The following CSGALNACT1 variants were observed in gnomAD, a reference collection of about 807,000 sequenced individuals.
CSGALNACT1 encodes chondroitin sulfate N-acetylgalactosaminyltransferase 1, also known as beta4GalNAcT-1.
A neutral mutation model predicts 51.0 loss-of-function variants in CSGALNACT1; 52 were observed. That is an observed-to-expected ratio of 1.02 (90% CI 0.82 to 1.29). The LOEUF is 1.29. Among genes scored for constraint, CSGALNACT1 ranks in the 50% most tolerant of loss-of-function variants. The pLI is 0.00. For missense variants in CSGALNACT1, 935 were observed against 679.2 expected, an observed-to-expected ratio of 1.38 and a Z score of -4.19; for synonymous variants, 341 against 254.4, an observed-to-expected ratio of 1.34 and a Z score of -3.24.
intron 1 of CSGALNACT1, among the ~76,000 whole-genome samples, chr8:19,736,985 G>C (rs995297250): frequency 6.6e-6 from 1 of 151,844 alleles, no homozygotes; most frequent in Non-Finnish European, 1.5e-5. Context: ...AGAGAGTAGA[G>C]ATAGGAAAAA....
At chr8:19,683,200 T>C (rs2060757874), upstream of CSGALNACT1, 1 of 154,762 alleles carries the variant, frequency 6.5e-6, no homozygotes, top group Non-Finnish European at 1.4e-5. Context: ...TTCCACGATG[T>C]GTAAAATTCT....
intron 1 of CSGALNACT1, among the ~76,000 whole-genome samples, chr8:19,627,212 C>G (rs1355583791): frequency 6.6e-6 from 1 of 152,022 alleles, no homozygotes; most frequent in Non-Finnish European, 1.5e-5. Flanking sequence ...TACTAATTGG[C>G]AACAAAAAGC....
At position 19,444,401 on chromosome 8, in the gene CSGALNACT1, G is replaced by A. The variant is rs141708191; in HGVS notation, c.852-4470C>T. The stretch of plus-strand genomic sequence containing the variant: ...TTCCAGTCCTTGATTGCTTGAATCG[G>A]AGGGTGTGGTACCCTTGGATACAGT... On this transcript the variant is annotated intron_variant, in intron 5 of 9. Transcript: ENST00000454498. Among the ~76,000 whole-genome samples the A allele has an allele frequency of 2.6e-3, 397 of 152,308 alleles. 2 individuals carry two copies. Among genetic ancestry groups the A allele is most frequent in the African/African-American group, 9.3e-3 (387 of 41,570 alleles).
chr8:19,503,311 A>T (rs1206966741), intron 4 of CSGALNACT1, among the ~76,000 whole-genome samples: 1 of 152,198 alleles, frequency 6.6e-6, no homozygotes, highest in Non-Finnish European at 1.5e-5. Flanking sequence ...TGTGTCTCTA[A>T]AAGAAGGTCA....
At chr8:19,564,866 A>G (rs1283292606) in intron 3 of CSGALNACT1, among the ~76,000 whole-genome samples, 1 of 152,212 alleles carries the variant, frequency 6.6e-6, no homozygotes, top group African/African-American at 2.4e-5. Context: ...TGTTCAGCAC[A>G]GTTTCTCAAG....
At chr8:19,630,495 T>G (rs1381129635) in intron 1 of CSGALNACT1, among the ~76,000 whole-genome samples, 2 of 152,142 alleles carry the variant, frequency 1.3e-5, no homozygotes, top group Non-Finnish European at 2.9e-5. Context: ...CACACTATTA[T>G]TAACTTTACA....
exon 2 of CSGALNACT1, chr8:19,601,839 G>A (rs2154144972): frequency 2.2e-6 from 1 of 454,024 alleles, no homozygotes; most frequent in East Asian, 7.0e-5. Context: ...AATTACCTTG[G>A]CGTCTTTCCT....
intron 3 of CSGALNACT1, among the ~76,000 whole-genome samples, chr8:19,540,778 GC>G (rs1350115938): frequency 6.6e-6 from 1 of 152,144 alleles, no homozygotes; most frequent in Non-Finnish European, 1.5e-5. Context: ...TGCCCAGGAA[GC>G]CTTTCCTCTC....
chr8:19,706,389 G>A (rs923765), intron 1 of CSGALNACT1, among the ~76,000 whole-genome samples: 35,091 of 152,066 alleles, frequency 0.23, 4,261 homozygotes, highest in Admixed American at 0.32. Flanking sequence ...GGAAAACTGC[G>A]GCGGAGGCTG....
At chr8:19,523,325 C>T (rs904159508) in intron 3 of CSGALNACT1, among the ~76,000 whole-genome samples, 10 of 152,268 alleles carry the variant, frequency 6.6e-5, no homozygotes, top group East Asian at 3.9e-4. Context: ...AGTGCAAGGG[C>T]GCGATCATGG....
intron 3 of CSGALNACT1, among the ~76,000 whole-genome samples, chr8:19,547,666 T>C (rs958294449): frequency 6.6e-6 from 1 of 152,216 alleles, no homozygotes; most frequent in African/African-American, 2.4e-5. Flanking sequence ...CTCGGGTATA[T>C]CTTTATTAGT....
In CSGALNACT1 at chr8:19,666,883, A is replaced by AAGAAAGAG. The variant is rs1263613762; in HGVS notation, c.-544+15589_-544+15590insCTCTTTCT. Among the ~76,000 whole-genome samples, 42 of 97,366 alleles carry AAGAAAGAG rather than the reference A, an allele frequency of 4.3e-4. 4 individuals are homozygous for AAGAAAGAG. The highest frequency in any genetic ancestry group is 1.3e-3 in the East Asian group (6 of 4,512). 63.9% of individuals were successfully genotyped at this position (97,366 alleles called of 152,430 possible). ...AAAGAAAGAAAGAAAGAAAGAAAGA[A>AAGAAAGAG]AGAGAGAGAGGAAGTGAGGAAGGGA... On this transcript the variant is annotated intron_variant, in intron 1 of 9. Transcript: ENST00000332246.
chr8:19,597,650 C>T (rs13252416), intron 2 of CSGALNACT1, among the ~76,000 whole-genome samples: 22,834 of 151,932 alleles, frequency 0.15, 2,215 homozygotes, highest in African/African-American at 0.28. Flanking sequence ...GGCAAAGTGC[C>T]GGAGTCCGAT....
Position 19,757,569 on chromosome 8 carries a change from G to C in CSGALNACT1, c.-297+281C>G, listed in dbSNP as rs1012411914. 6.6e-6 allele frequency among the ~76,000 whole-genome samples: 1 copy of C among 152,164 alleles called. No individual in the cohort carries two copies. The highest frequency in any genetic ancestry group is 2.4e-5 in the African/African-American group (1 of 41,450). On this transcript the variant is annotated intron_variant, in intron 1 of 1. Coordinates refer to the CSGALNACT1 transcript ENST00000517494. The surrounding 1 kb of genome is among the most constrained non-coding windows in gnomAD (Gnocchi z 4.0). ...CGGACACCAGGGGCGGTTTACGCGT[G>C]ACTGGACACCAAGAGCCGGAGAAGT...
At chr8:19,434,486 C>A (rs1409295263) in intron 6 of CSGALNACT1, among the ~76,000 whole-genome samples, 1 of 152,052 alleles carries the variant, frequency 6.6e-6, no homozygotes, top group African/African-American at 2.4e-5. Flanking sequence ...CATGCATCTC[C>A]CAAGAAGCAA....
chr8:19,655,456 G>C (rs2058176173), intron 1 of CSGALNACT1, among the ~76,000 whole-genome samples: 1 of 151,966 alleles, frequency 6.6e-6, no homozygotes, highest in South Asian at 2.1e-4. Context: ...GACCTCCTTG[G>C]CTCAATCAAT....
intron 4 of CSGALNACT1, among the ~76,000 whole-genome samples, chr8:19,478,519 C>G (rs958442690): frequency 2.7e-5 from 4 of 149,026 alleles, no homozygotes; most frequent in East Asian, 4.1e-4. Context: ...AAGAGACTAA[C>G]TAACGTACAG....
At chr8:19,556,625 T>C (rs1323870597) in intron 3 of CSGALNACT1, among the ~76,000 whole-genome samples, 1 of 152,168 alleles carries the variant, frequency 6.6e-6, no homozygotes, top group African/African-American at 2.4e-5. Flanking sequence ...CACAGCATTA[T>C]TGGGACTGTT....
chr8:19,695,184 T>C (rs2061525690), intron 1 of CSGALNACT1, among the ~76,000 whole-genome samples: 1 of 152,204 alleles, frequency 6.6e-6, no homozygotes, highest in African/African-American at 2.4e-5. Flanking sequence ...TGCATTGTTA[T>C]TATTTTCCTA....
Sources: allele counts gnomAD v4.1 joint callset (sites outside exome capture counted in the v4.1 genomes callset), GRCh38; gene constraint gnomAD v4.1.1; non-coding constraint Gnocchi (gnomAD v3.1); transcripts MANE v1.5; gene names NCBI Gene and HGNC (gene_info 2026-07-23, HGNC 2026-07-21).